NFASC: variants seen among roughly 807,000 people sequenced by gnomAD.
NFASC encodes the protein neurofascin homolog.
Under a neutral mutation model 147.5 loss-of-function variants are expected in NFASC, and 43 were observed. The ratio of observed to expected loss-of-function variants is 0.29; its 90% CI spans 0.23 to 0.38. The LOEUF (loss-of-function observed/expected upper bound fraction) is 0.38. Among genes scored for constraint, NFASC ranks in the 10% least tolerant of loss-of-function variants. The probability of loss-of-function intolerance (pLI) is 1.00; values close to 1 mark genes in which losing one functional copy is unlikely to be tolerated. For synonymous variants in NFASC, 622 were observed against 665.5 expected, an observed-to-expected ratio of 0.93 and a Z score of 1.01; for missense variants, 1,320 against 1,689.0, an observed-to-expected ratio of 0.78 and a Z score of 3.83.
intron 5 of NFASC, among the ~76,000 whole-genome samples, chr1:204,953,331 C>G (rs1392887029): frequency 6.6e-6 from 1 of 152,210 alleles, no homozygotes; most frequent in Non-Finnish European, 1.5e-5. Context: ...GAGTCTCGCT[C>G]TATCCCCCAG....
intron 20 of NFASC, 123 bp downstream of exon 20, chr1:204,980,563 G>T: frequency 1.4e-6 from 1 of 734,292 alleles, no homozygotes. Flanking sequence ...GCTGGTCTTG[G>T]TGGCCATTCT....
rs1031943333 is a variant in NFASC, at chr1:204,979,215, C to A, written c.1978+146C>A. 7.5e-5 allele frequency: 70 copies of A among 936,592 alleles called. No homozygotes were observed. The highest frequency in any genetic ancestry group is 1.7e-4 in the South Asian group (11 of 65,516). The allele number at this position is 936,592 out of a possible 1,614,324, so 58.0% of individuals were successfully genotyped here. ...TCAGAATGTACAGAGGCCTTGGTGT[C>A]TCTTCCTGTGCCTTGGGAAGAATTC... On this transcript the variant is annotated intron_variant, in intron 18 of 29. Transcript: ENST00000339876. The surrounding 1 kb of genome is among the most constrained non-coding windows in gnomAD (Gnocchi z 6.0).
chr1:204,885,115 C>A (rs1004162001), intron 1 of NFASC, among the ~76,000 whole-genome samples: 1 of 151,076 alleles, frequency 6.6e-6, no homozygotes, highest in Non-Finnish European at 1.5e-5. Context: ...AGACCCCCAT[C>A]TTTTTTTTTA....
intron 28 of NFASC, among the ~76,000 whole-genome samples, chr1:205,011,289 A>G (rs573751204): frequency 6.0e-5 from 9 of 149,924 alleles, no homozygotes; most frequent in African/African-American, 2.0e-4. Context: ...AAGTACCCAC[A>G]GACTAGGACT....
chr1:204,841,511 C>G (rs1395562408), intron 1 of NFASC, among the ~76,000 whole-genome samples: 2 of 152,128 alleles, frequency 1.3e-5, no homozygotes, highest in Admixed American at 1.3e-4. Flanking sequence ...GAGTCTTAGC[C>G]AACACCATAC....
At chr1:204,915,479 G>T (rs1393863913) in intron 1 of NFASC, among the ~76,000 whole-genome samples, 1 of 152,104 alleles carries the variant, frequency 6.6e-6, no homozygotes, top group Non-Finnish European at 1.5e-5. Flanking sequence ...CTAGTAACTG[G>T]TTGGCCAGGG....
Position 205,017,351 on chromosome 1 carries a change from G to A in NFASC, c.*812G>A, listed in dbSNP as rs545450186. The A allele has an allele frequency of 1.4e-4, 22 of 153,944 alleles. No homozygotes were observed. Among genetic ancestry groups the A allele is most frequent in the South Asian group, 1.4e-3 (7 of 4,900 alleles). 9.5% of individuals were successfully genotyped at this position (153,944 alleles called of 1,614,324 possible). A position where few individuals can be genotyped will look rare whatever the true frequency, so the allele number is the denominator to read the frequency against. On this transcript the variant is annotated 3_prime_UTR_variant, in exon 30 of 30. Coordinates refer to ENST00000339876, the MANE Select transcript of NFASC (RefSeq NM_001005388.3). ...TGTGAGCTGCATTGACTCTGAAGAC[G>A]TTTGAGGAACAGGAGTGGGCACTGA...
In NFASC at chr1:204,968,993, T is replaced by C. The variant is rs751703275; in HGVS notation, c.1003+11T>C. The C allele has an allele frequency of 5.6e-6, 9 of 1,606,620 alleles. No homozygotes were observed. In the Admixed American group the frequency reaches 1.5e-4, roughly 27 times the overall value. Reference sequence around the variant, plus strand: ...CGGTGAGAGTAAAGGGTACGTTGTGTGTATTTATCATTATGATTATGTTGC... The same window carrying C: ...CGGTGAGAGTAAAGGGTACGTTGTGCGTATTTATCATTATGATTATGTTGC... On this transcript the variant is annotated intron_variant, in intron 10 of 29. Transcript: ENST00000339876. The surrounding 1 kb of genome is among the most constrained non-coding windows in gnomAD (Gnocchi z 5.4).
chr1:204,858,942 G>T (rs905647203), intron 1 of NFASC, among the ~76,000 whole-genome samples: 1 of 150,266 alleles, frequency 6.7e-6, no homozygotes, highest in African/African-American at 2.5e-5. Flanking sequence ...TTTACCACCC[G>T]TCTCTTGCCC....
intron 3 of NFASC, among the ~76,000 whole-genome samples, chr1:204,950,000 G>A (rs2094000187): frequency 6.6e-6 from 1 of 152,262 alleles, no homozygotes; most frequent in South Asian, 2.1e-4. Flanking sequence ...TACCATGAAA[G>A]GGGCATTTGC....
At chr1:204,920,368 C>T (rs554210623) in intron 1 of NFASC, among the ~76,000 whole-genome samples, 2 of 150,790 alleles carry the variant, frequency 1.3e-5, no homozygotes, top group East Asian at 3.9e-4. Flanking sequence ...ACTGTGGTGT[C>T]AGGGCACTAA....
intron 1 of NFASC, among the ~76,000 whole-genome samples, chr1:204,842,754 A>T (rs549725501): frequency 6.6e-6 from 1 of 152,238 alleles, no homozygotes. Context: ...CTCCTGGGAC[A>T]TGGATGGGCT....
At chr1:204,937,869 ACTT>A (rs2093004886) in intron 2 of NFASC, among the ~76,000 whole-genome samples, 1 of 152,050 alleles carries the variant, frequency 6.6e-6, no homozygotes, top group Non-Finnish European at 1.5e-5. Context: ...GAGTAGAGGG[ACTT>A]TGTCTCTTGT....
intron 24 of NFASC, among the ~76,000 whole-genome samples, chr1:204,994,615 C>T (rs992218704): frequency 6.6e-6 from 1 of 152,108 alleles, no homozygotes; most frequent in Non-Finnish European, 1.5e-5. Context: ...CTGCACTACG[C>T]GGTGTGATGA....
intron 2 of NFASC, among the ~76,000 whole-genome samples, chr1:204,922,394 G>A (rs1049076930): frequency 5.9e-5 from 9 of 152,234 alleles, no homozygotes; most frequent in Non-Finnish European, 8.8e-5. Context: ...GAATAGATTC[G>A]TTCTGGCTCG....
chr1:204,846,344 T>C (rs1173313658), intron 1 of NFASC, among the ~76,000 whole-genome samples: 2 of 152,222 alleles, frequency 1.3e-5, no homozygotes. Flanking sequence ...TGTGATCTAA[T>C]TGTGTCCTTA....
chr1:204,961,486 C>T (rs1242988467), intron 8 of NFASC, among the ~76,000 whole-genome samples: 1 of 152,254 alleles, frequency 6.6e-6, no homozygotes, highest in Non-Finnish European at 1.5e-5. Context: ...GGCTTTCTGC[C>T]AACAGAGACA....
chr1:204,982,477 C>G (rs991381909), intron 21 of NFASC, among the ~76,000 whole-genome samples: 22 of 152,192 alleles, frequency 1.4e-4, no homozygotes, highest in African/African-American at 5.3e-4. Context: ...AGAGGTTCCC[C>G]CGGGGAAGCC....
intron 1 of NFASC, among the ~76,000 whole-genome samples, chr1:204,880,973 C>G (rs1231622076): frequency 6.6e-6 from 1 of 152,208 alleles, no homozygotes; most frequent in African/African-American, 2.4e-5. Flanking sequence ...ATGCCTGTCT[C>G]TTTTCAGAAT....
Sources: gnomAD v4.1 joint callset for allele counts (sites outside exome capture counted in the v4.1 genomes callset) on GRCh38, gnomAD v4.1.1 for gene constraint, Gnocchi (gnomAD v3.1) non-coding constraint, MANE v1.5 for transcripts, NCBI Gene and HGNC (gene_info 2026-07-23, HGNC 2026-07-21) for gene names.